Variants in ESRRB observed in about 807,000 individuals in gnomAD.
The protein encoded by ESRRB is estrogen related receptor beta, also known as steroid hormone receptor ERR2.
Under a neutral mutation model 46.0 loss-of-function variants are expected in ESRRB, and 16 were observed. The ratio of observed to expected loss-of-function variants is 0.35; its 90% CI spans 0.24 to 0.53. The LOEUF is 0.53. Ranked by LOEUF, ESRRB falls within the 20% of genes least tolerant of loss-of-function variation. ESRRB has a pLI of 0.93. For synonymous variants in ESRRB, 246 were observed against 259.6 expected (o/e 0.95, Z 0.50); for missense variants, 488 against 607.4 (o/e 0.80, Z 2.07).
intron 5 of ESRRB, among the ~76,000 whole-genome samples, chr14:76,489,344 G>A (rs1890130187): frequency 6.6e-6 from 1 of 151,388 alleles, no homozygotes; most frequent in Non-Finnish European, 1.5e-5. Context: ...ACCTGATAAG[G>A]GAAATTGGAT....
At chr14:76,444,989 G>A (rs561485117) in intron 2 of ESRRB, among the ~76,000 whole-genome samples, 5 of 151,720 alleles carry the variant, frequency 3.3e-5, no homozygotes, top group South Asian at 4.2e-4. Flanking sequence ...GTAACAAAGC[G>A]AGACCCTCAT....
At chr14:76,325,933 C>T (rs1475523740) in intron 1 of ESRRB, among the ~76,000 whole-genome samples, 2 of 152,218 alleles carry the variant, frequency 1.3e-5, no homozygotes, top group Non-Finnish European at 2.9e-5. Context: ...CTGTGCTGCA[C>T]ACCCACAGGC....
chr14:76,377,526 A>G (rs1025877162), intron 1 of ESRRB, among the ~76,000 whole-genome samples: 5 of 152,126 alleles, frequency 3.3e-5, no homozygotes, highest in Non-Finnish European at 5.9e-5. Context: ...ATAATAATAC[A>G]TAAAACTCTA....
intron 1 of ESRRB, among the ~76,000 whole-genome samples, chr14:76,330,534 T>C (rs1237399024): frequency 6.6e-6 from 1 of 152,200 alleles, no homozygotes; most frequent in Non-Finnish European, 1.5e-5. Flanking sequence ...TGTCCTGGTG[T>C]ACTTGCCCTG....
chr14:76,358,701 A>T (rs1191302434), intron 1 of ESRRB, among the ~76,000 whole-genome samples: 1 of 152,254 alleles, frequency 6.6e-6, no homozygotes, highest in Non-Finnish European at 1.5e-5. Flanking sequence ...TGCACCATCT[A>T]TGGCTAATAG....
At chr14:76,353,560 A>T (rs1884339632) in intron 1 of ESRRB, among the ~76,000 whole-genome samples, 1 of 152,166 alleles carries the variant, frequency 6.6e-6, no homozygotes, top group South Asian at 2.1e-4. Context: ...TGCTTTGTGC[A>T]TATAACTCAT....
chr14:76,363,792 G>A (rs1595055232), intron 1 of ESRRB, among the ~76,000 whole-genome samples: 1 of 152,186 alleles, frequency 6.6e-6, no homozygotes, highest in South Asian at 2.1e-4. Flanking sequence ...TTTCTTTAGT[G>A]ACAGCATGCT....
rs61246383 is a variant in ESRRB at position 76,470,469 on chromosome 14, A to C, written c.577+7808A>C. Among the ~76,000 whole-genome samples the C allele has an allele frequency of 3.8e-3, 585 of 152,258 alleles. 4 individuals carry two copies. The highest frequency in any genetic ancestry group is 0.014 in the African/African-American group (564 of 41,556). ...CCCCAGTTCTTCCCATCTCACAGACATCTAGAAGGAGGAAAAGCTCCATGT... is the reference window on the plus strand; with the variant it reads ...CCCCAGTTCTTCCCATCTCACAGACCTCTAGAAGGAGGAAAAGCTCCATGT... On this transcript the variant is annotated intron_variant, in intron 3 of 6. Coordinates refer to ENST00000644823, the MANE Select transcript of ESRRB (RefSeq NM_001379180.1).
At chr14:76,360,620 A>G (rs1884451495) in intron 1 of ESRRB, among the ~76,000 whole-genome samples, 1 of 152,076 alleles carries the variant, frequency 6.6e-6, no homozygotes, top group Non-Finnish European at 1.5e-5. Context: ...CCTTTCCCAT[A>G]AGCAGAGGTG....
At chr14:76,478,837 T>C (rs1419248264) in intron 3 of ESRRB, among the ~76,000 whole-genome samples, 1 of 152,074 alleles carries the variant, frequency 6.6e-6, no homozygotes, top group Non-Finnish European at 1.5e-5. Context: ...ACAGGAAGAA[T>C]CATCCTTCCT....
At chr14:76,393,967 A>ATTTTTTTTTTTTTTTTT (rs71122531) in intron 1 of ESRRB, among the ~76,000 whole-genome samples, 53 of 126,946 alleles carry the variant, frequency 4.2e-4, no homozygotes, top group Non-Finnish European at 7.1e-4. Context: ...TGCCTGGCTA[A>ATTTTTTTTTTTTTTTTT]TTTTTTTTTT....
intron 1 of ESRRB, among the ~76,000 whole-genome samples, chr14:76,436,834 A>T (rs1887694949): frequency 6.6e-6 from 1 of 152,180 alleles, no homozygotes; most frequent in Non-Finnish European, 1.5e-5. Context: ...ACTCAGGGAC[A>T]TTCCACAGGA....
chr14:76,312,147 T>G (rs139649489), intron 1 of ESRRB, among the ~76,000 whole-genome samples: 49 of 152,048 alleles, frequency 3.2e-4, no homozygotes, highest in Non-Finnish European at 5.1e-4. Context: ...AAAGAAACAA[T>G]CTTTCCAACA....
Position 76,500,359 on chromosome 14 carries a change from G to A in ESRRB, c.*1901G>A, listed in dbSNP as rs547496886. On this transcript the variant is annotated 3_prime_UTR_variant, in exon 7 of 7. Transcript: ENST00000644823. ...AGTAGGCACTGGAGCCGTTACCCAG[G>A]ATGCTGCGGCCCTAGCCCTCCATGC... is the stretch of plus-strand genomic sequence containing the variant. The A allele has an allele frequency of 1.0e-5, 6 of 584,880 alleles. No homozygotes were observed. The highest frequency in any genetic ancestry group is 6.0e-5 in the Admixed American group (2 of 33,482). The allele number at this position is 584,880 out of a possible 1,614,324, so 36.2% of individuals were successfully genotyped here. A position where few individuals can be genotyped will look rare whatever the true frequency, so the allele number is the denominator to read the frequency against.
chr14:76,442,140 A>AT (rs1377449354), intron 2 of ESRRB, among the ~76,000 whole-genome samples: 2 of 152,194 alleles, frequency 1.3e-5, no homozygotes, highest in Admixed American at 1.3e-4. Flanking sequence ...CACCTTGGAC[A>AT]TGCTCCCTGT....
At chr14:76,497,055 TCGGGGGAGGATGGAGAGGGCGGGGAGAGG>T (rs2140060763) in intron 6 of ESRRB, among the ~76,000 whole-genome samples, 1 of 151,718 alleles carries the variant, frequency 6.6e-6, no homozygotes, top group African/African-American at 2.4e-5. Context: ...TTGGGGAGAG[TCGGGGGAGGATGGAGAGGGCGGGGAGAGG>T]GAGCTGGCAG....
chr14:76,440,078 A>G (rs1887855966), intron 2 of ESRRB, among the ~76,000 whole-genome samples: 1 of 152,148 alleles, frequency 6.6e-6, no homozygotes, highest in South Asian at 2.1e-4. Flanking sequence ...TGTCCCTCAA[A>G]AAGTTTATTT....
chr14:76,360,571 C>A (rs921891269), intron 1 of ESRRB, among the ~76,000 whole-genome samples: 1 of 152,202 alleles, frequency 6.6e-6, no homozygotes, highest in Non-Finnish European at 1.5e-5. Flanking sequence ...GAACATGACC[C>A]TGAGAATACC....
Position 76,499,585 on chromosome 14 carries a change from C to A in ESRRB, c.*1127C>A, listed in dbSNP as rs368248091. ...ATGCCACAGGGCTAGTGTACCAGTG[C>A]CACAGGAGGGGTGCCCTCCTACCAC... On this transcript the variant is annotated 3_prime_UTR_variant, in exon 7 of 7. Transcript: ENST00000644823. The A allele has an allele frequency of 1.9e-6, 1 of 521,220 alleles. No individual in the cohort carries two copies. 32.3% of individuals were successfully genotyped at this position (521,220 alleles called of 1,614,324 possible). A position where few individuals can be genotyped will look rare whatever the true frequency, so the allele number is the denominator to read the frequency against.
Sources: gnomAD v4.1 joint callset for allele counts (sites outside exome capture counted in the v4.1 genomes callset) on GRCh38, gnomAD v4.1.1 for gene constraint, MANE v1.5 for transcripts, NCBI Gene and HGNC (gene_info 2026-07-23, HGNC 2026-07-21) for gene names.